Variants in ATP12A observed in about 807,000 individuals in gnomAD.
ATP12A encodes the protein ATPase H+/K+ transporting non-gastric alpha2 subunit.
In ATP12A, 81 loss-of-function variants were observed where a neutral mutation model predicts 111.2. That is an observed-to-expected ratio of 0.73 (90% CI 0.61 to 0.88). The LOEUF is 0.88. ATP12A is among the 40% of genes least tolerant of loss of function. ATP12A has a pLI of 0.00. For missense variants in ATP12A, 1,196 were observed against 1,313.1 expected (o/e 0.91, Z 1.38); for synonymous variants, 498 against 499.8 (o/e 1.00, Z 0.05).
chr13:24,709,793 G>A lies in ATP12A; in HGVS notation c.2728G>A (p.Val910Met), dbSNP rs370559446. The A allele has an allele frequency of 5.6e-6, 9 of 1,614,122 alleles. No individual in the cohort carries two copies. The highest frequency in any genetic ancestry group is 5.3e-5 in the African/African-American group (4 of 74,952). The change falls in exon 19 of 23, where the codon GTG (valine) becomes ATG (methionine). Residue 910 changes from valine to methionine, a missense_variant. Physicochemically the swap from Val to Met is conservative, Grantham distance 21. Coordinates refer to ENST00000381946, the MANE Select transcript of ATP12A (RefSeq NM_001676.7). ...GCGGGTAGAATGGGAGAAGGACTAC[G>A]TGAATGACTTGAAAGACAGCTATGG... is the stretch of plus-strand genomic sequence containing the variant. ...NLRVEWEKDYVNDLKDSYGQE... is the reference protein window; with the variant it reads ...NLRVEWEKDYMNDLKDSYGQE...
intron 8 of ATP12A, among the ~76,000 whole-genome samples, chr13:24,691,896 T>C (rs1874920446): frequency 6.6e-6 from 1 of 152,216 alleles, no homozygotes; most frequent in South Asian, 2.1e-4. Flanking sequence ...AGGTCTCCTC[T>C]GACTCCAGGA....
chr13:24,691,957 G>T (rs1001315609), intron 8 of ATP12A, among the ~76,000 whole-genome samples: 2 of 152,180 alleles, frequency 1.3e-5, no homozygotes. Context: ...AGATCTAGGG[G>T]TTTAAAAGAA....
Position 24,706,348 on chromosome 13 carries a change from T to C in ATP12A, c.2054T>C (p.Leu685Pro). 6.2e-7 allele frequency: 1 copy of C among 1,614,234 alleles called. No individual in the cohort carries two copies. Among genetic ancestry groups the C allele is most frequent in the Non-Finnish European group, 8.5e-7 (1 of 1,180,024 alleles). The stretch of plus-strand genomic sequence containing the variant: ...GCCGCTGTGGTGACTGGCATGGAGC[T>C]GAAGGACATGAGCTCAGAACAGCTG... Reference protein sequence around the residue: ...AKAAVVTGMELKDMSSEQLDE... With the variant: ...AKAAVVTGMEPKDMSSEQLDE... The change falls in exon 15 of 23, where the codon CTG (leucine) becomes CCG (proline). Residue 685 changes from leucine to proline, a missense_variant. Coordinates refer to ENST00000381946, the MANE Select transcript of ATP12A (RefSeq NM_001676.7).
At chr13:24,694,415 T>A in intron 10 of ATP12A, 29 bp from the exon 11 acceptor site, 6 of 1,611,772 alleles carry the variant, frequency 3.7e-6, no homozygotes, top group Non-Finnish European at 5.1e-6. Flanking sequence ...AAATATGTGC[T>A]GCAAATATTT....
At chr13:24,686,676 T>C (rs1874682007) in intron 3 of ATP12A, among the ~76,000 whole-genome samples, 2 of 151,720 alleles carry the variant, frequency 1.3e-5, no homozygotes, top group South Asian at 4.2e-4. Flanking sequence ...GAGGCGGAGC[T>C]TGCAGTGAGC....
intron 3 of ATP12A, 59 bp from the exon 4 acceptor site, chr13:24,688,260 G>T: frequency 6.5e-7 from 1 of 1,534,192 alleles, no homozygotes. Context: ...CCTGAGGGAG[G>T]AGGAATGTCT....
chr13:24,682,422 AT>A (rs1025869477), intron 2 of ATP12A, among the ~76,000 whole-genome samples: 1 of 118,208 alleles, frequency 8.5e-6, no homozygotes, highest in African/African-American at 3.3e-5. Context: ...TGTGTTTTGA[AT>A]GGTGTGATAG....
intron 8 of ATP12A, among the ~76,000 whole-genome samples, chr13:24,692,125 T>C (rs1266000441): frequency 1.3e-5 from 2 of 152,188 alleles, no homozygotes; most frequent in African/African-American, 2.4e-5. Flanking sequence ...TGATTGTACG[T>C]GAACACGAGC....
In ATP12A at chr13:24,689,225, G is replaced by T. The variant is rs745870439; in HGVS notation, c.433-37G>T. The T allele has an allele frequency of 3.8e-6, 6 of 1,579,346 alleles. 1 individual carries two copies. The highest frequency in any genetic ancestry group is 1.7e-5 in the Admixed American group (1 of 59,970). ...CCCCAGGGCCCGGCTGCTTCCCACT[G>T]CTGGTTTCTCTGACTGACGCCCTCC... On this transcript the variant is annotated intron_variant, in intron 4 of 22. Coordinates refer to ENST00000381946, the MANE Select transcript of ATP12A (RefSeq NM_001676.7).
intron 3 of ATP12A, among the ~76,000 whole-genome samples, 157 bp from the exon 4 acceptor site, chr13:24,688,162 G>A (rs781667285): frequency 6.6e-6 from 1 of 152,208 alleles, no homozygotes; most frequent in Non-Finnish European, 1.5e-5. Flanking sequence ...TGGGCAGCTG[G>A]AGAAGTGAGG....
rs113670626 is a variant in ATP12A, at chr13:24,709,426, C to T, written c.2556C>T (p.Arg852=). 3 of 1,614,054 alleles carry T rather than the reference C, an allele frequency of 1.9e-6. No homozygotes were observed. In the African/African-American group the frequency reaches 4.0e-5, roughly 22 times the overall value. ...GTGACATCATGAACAGGAAGCCTCG[C>T]CACAAGAATAAGGACAGGCTGGTGA... ...AESDIMNRKP[R]HKNKDRLVNQ... Residue 852 remains arginine (R), a synonymous_variant, in exon 18 of 23, where the codon CGC becomes CGT. Transcript: ENST00000381946.
chr13:24,707,580 G>C (rs1875730106), intron 17 of ATP12A, 147 bp downstream of exon 17: 1 of 1,103,368 alleles, frequency 9.1e-7, no homozygotes, highest in African/African-American at 1.6e-5. Context: ...TTTCTCACAG[G>C]TTCTCAGGTG....
chr13:24,696,718 C>CAAA lies in ATP12A; in HGVS notation c.1513-1914_1513-1912dup, dbSNP rs1199522203. ...TGGGCGACAGAGCGAGACTCCGTCT[C>CAAA]AAAAAAAAAAAAAAAAAAAAAAAAA... On this transcript the variant is annotated intron_variant, in intron 11 of 22. Transcript: ENST00000381946. Among the ~76,000 whole-genome samples the CAAA allele has an allele frequency of 5.8e-3, 190 of 32,910 alleles. 12 individuals are homozygous for CAAA. The highest frequency in any genetic ancestry group is 8.4e-3 in the South Asian group (3 of 356). 21.6% of individuals were successfully genotyped at this position (32,910 alleles called of 152,430 possible). A position where few individuals can be genotyped will look rare whatever the true frequency, so the allele number is the denominator to read the frequency against.
intron 21 of ATP12A, among the ~76,000 whole-genome samples, chr13:24,711,113 G>A (rs1351406755): frequency 2.0e-5 from 3 of 152,236 alleles, no homozygotes; most frequent in African/African-American, 7.2e-5. Flanking sequence ...CATCCAACAG[G>A]TTGCTTCAAA....
At chr13:24,701,263 T>G (rs1875380226) in intron 13 of ATP12A, among the ~76,000 whole-genome samples, 1 of 152,042 alleles carries the variant, frequency 6.6e-6, no homozygotes, top group African/African-American at 2.4e-5. Context: ...TTTGGGAAGC[T>G]GAGGCAGGCG....
Position 24,691,109 on chromosome 13 carries a change from T to G in ATP12A, c.927T>G (p.Ile309Met), listed in dbSNP as rs1468977518. Residue 309 changes from isoleucine (I) to methionine (M), a missense_variant, in exon 8 of 23, where the codon ATT (isoleucine) becomes ATG (methionine). Transcript: ENST00000381946. ...IAIEIEHFVHIVAGVAVSIGI... is the reference protein window; with the variant it reads ...IAIEIEHFVHMVAGVAVSIGI... ...TTGAGATCGAGCACTTTGTTCACAT[T>G]GTGGCAGGAGTGGCTGTCTCCATCG... The G allele has an allele frequency of 1.2e-6, 2 of 1,614,230 alleles. No individual in the cohort carries two copies. The highest frequency in any genetic ancestry group is 1.7e-6 in the Non-Finnish European group (2 of 1,180,048).
chr13:24,692,393 G>A (rs536291211), intron 8 of ATP12A, 36 bp from the exon 9 acceptor site: 2 of 1,602,900 alleles, frequency 1.2e-6, no homozygotes, highest in South Asian at 2.2e-5. Flanking sequence ...GTTCAAATGA[G>A]GATTTTTCCC....
chr13:24,680,893 T>C, intron 1 of ATP12A, 141 bp downstream of exon 1: 3 of 1,323,586 alleles, frequency 2.3e-6, no homozygotes, highest in Non-Finnish European at 2.9e-6. Context: ...GCCTTTCCTC[T>C]GAGCGCCCCC....
Position 24,692,308 on chromosome 13 carries a change from C to T in ATP12A, c.1069-121C>T, listed in dbSNP as rs1296036966. The stretch of plus-strand genomic sequence containing the variant: ...AGCTGCGCTGACAACCACACCTCTC[C>T]CCTAAAACTAGTCCAGCTCTCTCCT... On this transcript the variant is annotated intron_variant, in intron 8 of 22. Transcript: ENST00000381946. The T allele has an allele frequency of 6.6e-6, 7 of 1,064,242 alleles. No individual in the cohort carries two copies. The South Asian group carries it at 1.1e-4, about 17-fold the overall frequency. The allele number at this position is 1,064,242 out of a possible 1,614,324, so 65.9% of individuals were successfully genotyped here. A position where few individuals can be genotyped will look rare whatever the true frequency, so the allele number is the denominator to read the frequency against.
Sources: allele counts gnomAD v4.1 joint callset (sites outside exome capture counted in the v4.1 genomes callset), GRCh38; gene constraint gnomAD v4.1.1; transcripts MANE v1.5; gene names NCBI Gene and HGNC (gene_info 2026-07-23, HGNC 2026-07-21).